TEAD1: variants seen among roughly 807,000 people sequenced by gnomAD.
The protein encoded by TEAD1 is TEA domain transcription factor 1.
Under a neutral mutation model 54.9 loss-of-function variants are expected in TEAD1, and 9 were observed. The ratio of observed to expected loss-of-function variants is 0.16; its 90% CI spans 0.10 to 0.29. The LOEUF (loss-of-function observed/expected upper bound fraction) is 0.29. Among genes scored for constraint, TEAD1 ranks in the 10% least tolerant of loss-of-function variants. The probability of loss-of-function intolerance (pLI) is 1.00; values close to 1 mark genes in which losing one functional copy is unlikely to be tolerated. For synonymous variants in TEAD1, 200 were observed against 187.8 expected (o/e 1.07, Z -0.53); for missense variants, 387 against 535.9 (o/e 0.72, Z 2.74).
At chr11:12,914,761 A>T (rs558587096) in intron 10 of TEAD1, among the ~76,000 whole-genome samples, 22 of 152,364 alleles carry the variant, frequency 1.4e-4, no homozygotes, top group African/African-American at 4.8e-4. Context: ...GGCCCAGTGC[A>T]GAGCGATTGT....
intron 12 of TEAD1, among the ~76,000 whole-genome samples, chr11:12,934,342 A>G (rs1373334541): frequency 6.6e-6 from 1 of 152,090 alleles, no homozygotes; most frequent in Non-Finnish European, 1.5e-5. Context: ...GAACAATGAG[A>G]ACACATGGAC....
At chr11:12,870,562 G>GCC (rs369632839) in intron 5 of TEAD1, among the ~76,000 whole-genome samples, 65 of 151,310 alleles carry the variant, frequency 4.3e-4, no homozygotes, top group African/African-American at 1.5e-3. Flanking sequence ...TTTCTCCCCC[G>GCC]CCCCCCCCGG....
chr11:12,696,563 T>A (rs114084839), intron 2 of TEAD1, among the ~76,000 whole-genome samples: 1,563 of 152,310 alleles, frequency 0.01, 30 homozygotes, highest in African/African-American at 0.036. Flanking sequence ...CCATCTCTTG[T>A]GAGGGTTGGC....
chr11:12,792,576 A>G (rs1372672623), intron 3 of TEAD1, among the ~76,000 whole-genome samples: 2 of 152,192 alleles, frequency 1.3e-5, no homozygotes, highest in South Asian at 2.1e-4. Flanking sequence ...TCCTGGTTTT[A>G]GAACATAAGG....
intron 2 of TEAD1, among the ~76,000 whole-genome samples, chr11:12,701,562 G>A: frequency 6.6e-6 from 1 of 152,254 alleles, no homozygotes; most frequent in African/African-American, 2.4e-5. Context: ...GGTCATGCCG[G>A]TGGGTTTTCA....
intron 3 of TEAD1, among the ~76,000 whole-genome samples, chr11:12,794,639 G>A (rs2133966141): frequency 1.3e-5 from 2 of 152,316 alleles, no homozygotes; most frequent in East Asian, 3.9e-4. Flanking sequence ...TCCTGTCAGA[G>A]CCTCCTGGGC....
chr11:12,800,843 A>G (rs1234987069), intron 3 of TEAD1, among the ~76,000 whole-genome samples: 1 of 152,178 alleles, frequency 6.6e-6, no homozygotes, highest in Admixed American at 6.5e-5. Flanking sequence ...GATTTCTAAG[A>G]GTCCTATATA....
At chr11:12,700,639 T>C (rs1027295171) in intron 2 of TEAD1, among the ~76,000 whole-genome samples, 2 of 152,206 alleles carry the variant, frequency 1.3e-5, no homozygotes, top group African/African-American at 4.8e-5. Flanking sequence ...AAATTATGCT[T>C]CTTAACTCTC....
At chr11:12,843,189 C>G (rs1450870225) in intron 3 of TEAD1, among the ~76,000 whole-genome samples, 1 of 152,144 alleles carries the variant, frequency 6.6e-6, no homozygotes, top group Non-Finnish European at 1.5e-5. Context: ...TGGGAGGGTG[C>G]ACATAGATCT....
At chr11:12,820,543 A>G (rs1001017791) in intron 3 of TEAD1, among the ~76,000 whole-genome samples, 3 of 152,190 alleles carry the variant, frequency 2.0e-5, no homozygotes, top group African/African-American at 7.2e-5. Flanking sequence ...GTTGGTGATG[A>G]AATTATAACA....
chr11:12,786,000 T>C (rs1411751555), intron 3 of TEAD1, among the ~76,000 whole-genome samples: 1 of 152,180 alleles, frequency 6.6e-6, no homozygotes, highest in African/African-American at 2.4e-5. Flanking sequence ...TAGCCCCAGA[T>C]AGAGCTCAGC....
chr11:12,834,778 T>C (rs1021325334), intron 3 of TEAD1, among the ~76,000 whole-genome samples: 5 of 151,086 alleles, frequency 3.3e-5, no homozygotes, highest in South Asian at 2.1e-4. Flanking sequence ...TTTTTTTTTT[T>C]CTTAATTTTA....
chr11:12,906,950 G>C (rs969448980), intron 10 of TEAD1, among the ~76,000 whole-genome samples: 1 of 152,158 alleles, frequency 6.6e-6, no homozygotes, highest in Admixed American at 6.5e-5. Flanking sequence ...ATGAATAATG[G>C]TGCTATCGAG....
chr11:12,696,495 C>T (rs899338176), intron 2 of TEAD1, among the ~76,000 whole-genome samples: 5 of 152,244 alleles, frequency 3.3e-5, no homozygotes, highest in Non-Finnish European at 7.4e-5. Context: ...GTGCTGAGGA[C>T]GAGACAAGAG....
At chr11:12,854,903 G>T (rs899951999) in intron 3 of TEAD1, among the ~76,000 whole-genome samples, 3 of 151,866 alleles carry the variant, frequency 2.0e-5, no homozygotes, top group Non-Finnish European at 4.4e-5. Context: ...GCTTGAGATG[G>T]CATCTTTTTA....
chr11:12,888,785 C>T (rs772066421), intron 9 of TEAD1, among the ~76,000 whole-genome samples: 24 of 152,214 alleles, frequency 1.6e-4, no homozygotes, highest in Admixed American at 5.2e-4. Flanking sequence ...CAGTGTTAGA[C>T]AGCCAGCTGA....
intron 9 of TEAD1, among the ~76,000 whole-genome samples, chr11:12,897,160 A>G (rs929156692): frequency 6.6e-5 from 10 of 152,068 alleles, no homozygotes; most frequent in Non-Finnish European, 1.5e-4. Context: ...TCTTATGAGT[A>G]TTTGTTTTGT....
chr11:12,908,885 T>TTTTTTTTTTTG (rs60964582), intron 10 of TEAD1, among the ~76,000 whole-genome samples: 9,293 of 145,278 alleles, frequency 0.064, 897 homozygotes, highest in East Asian at 0.44. Flanking sequence ...AATTATCTGT[T>TTTTTTTTTTTG]TTTTTTTTTT....
At chr11:12,910,079 C>G (rs143328405) in intron 10 of TEAD1, among the ~76,000 whole-genome samples, 4 of 152,164 alleles carry the variant, frequency 2.6e-5, no homozygotes, top group African/African-American at 9.7e-5. Flanking sequence ...TTGCCAGTGA[C>G]GTGGCAGACA....
Sources: allele counts gnomAD v4.1 joint callset (sites outside exome capture counted in the v4.1 genomes callset), GRCh38; gene constraint gnomAD v4.1.1; transcripts MANE v1.5; gene names NCBI Gene and HGNC (gene_info 2026-07-23, HGNC 2026-07-21).